The following DCDC2 variants were observed in gnomAD, a reference collection of about 807,000 sequenced individuals.
DCDC2 encodes the protein doublecortin domain-containing protein 2.
Under a neutral mutation model 50.2 loss-of-function variants are expected in DCDC2, and 40 were observed. That is an observed-to-expected ratio of 0.80 (90% CI 0.62 to 1.04). DCDC2 has a LOEUF of 1.04. DCDC2 is among the 50% of genes least tolerant of loss of function. The probability of loss-of-function intolerance (pLI) is 0.00; values close to 1 mark genes in which losing one functional copy is unlikely to be tolerated. For synonymous variants in DCDC2, 234 were observed against 210.6 expected (o/e 1.11, Z -0.96); for missense variants, 570 against 581.9 (o/e 0.98, Z 0.21).
At chr6:24,233,177 T>A (rs918162484) in intron 7 of DCDC2, among the ~76,000 whole-genome samples, 2 of 152,226 alleles carry the variant, frequency 1.3e-5, no homozygotes, top group African/African-American at 4.8e-5. Context: ...AGTTTAGGTA[T>A]ACTGTTAGGT....
At chr6:24,212,430 T>C (rs1337119646) in intron 7 of DCDC2, among the ~76,000 whole-genome samples, 1 of 152,118 alleles carries the variant, frequency 6.6e-6, no homozygotes, top group Non-Finnish European at 1.5e-5. Flanking sequence ...TTGTTTTCTT[T>C]CCCTAACTGT....
chr6:24,229,495 A>G, intron 7 of DCDC2, among the ~76,000 whole-genome samples: 1 of 152,134 alleles, frequency 6.6e-6, no homozygotes, highest in African/African-American at 2.4e-5. Flanking sequence ...TGTAACATTT[A>G]TCCACAGATC....
chr6:24,355,440 A>G (rs1371525137), intron 1 of DCDC2, among the ~76,000 whole-genome samples: 2 of 152,198 alleles, frequency 1.3e-5, no homozygotes, highest in African/African-American at 4.8e-5. Context: ...TATGTAACAA[A>G]AGGAACTGGT....
intron 2 of DCDC2, among the ~76,000 whole-genome samples, chr6:24,339,477 A>T (rs1331360441): frequency 6.6e-6 from 1 of 152,114 alleles, no homozygotes; most frequent in African/African-American, 2.4e-5. Flanking sequence ...AGAATTTGTG[A>T]TGTTAATTTT....
rs758780110 is a variant in DCDC2, at chr6:24,325,164, G to T, written c.349-23120C>A. On this transcript the variant is annotated intron_variant, in intron 2 of 9. Coordinates refer to ENST00000378454, the MANE Select transcript of DCDC2 (RefSeq NM_016356.5). ...AGAGCCCCGTGGTCAAAACTAAAAC[G>T]TTCCATCTAGGAGTGAGAGAGCACG... Among the ~76,000 whole-genome samples, 3 of 130,890 alleles carry T rather than the reference G, an allele frequency of 2.3e-5. 1 individual carries two copies. The East Asian group carries it at 1.3e-3, about 58-fold the overall frequency. The allele number at this position is 130,890 out of a possible 152,430, so 85.9% of individuals were successfully genotyped here.
chr6:24,263,328 G>A (rs1042031774), intron 7 of DCDC2, among the ~76,000 whole-genome samples: 8 of 152,026 alleles, frequency 5.3e-5, no homozygotes, highest in Admixed American at 1.3e-4. Context: ...TTCAATGCTC[G>A]GACATCAACA....
chr6:24,186,286 T>C (rs1446044111), intron 8 of DCDC2, among the ~76,000 whole-genome samples: 4 of 152,258 alleles, frequency 2.6e-5, no homozygotes, highest in African/African-American at 9.6e-5. Flanking sequence ...TTAGGTAGCA[T>C]ATTGTGCTTC....
rs746094923 is a variant in DCDC2 at position 24,320,956 on chromosome 6, AT to A, written c.349-18913del. 1.4e-3 allele frequency among the ~76,000 whole-genome samples: 206 copies of A among 148,178 alleles called. 4 individuals carry two copies. Among genetic ancestry groups the A allele is most frequent in the East Asian group, 8.9e-3 (45 of 5,074 alleles). The stretch of plus-strand genomic sequence containing the variant: ...TGCTGGAAAGTAATTAAATAAAAAA[AT>A]TAAAAAAAAAAAAAAAACAGCAGGG... On this transcript the variant is annotated intron_variant, in intron 2 of 9. Coordinates refer to ENST00000378454, the MANE Select transcript of DCDC2 (RefSeq NM_016356.5).
intron 2 of DCDC2, among the ~76,000 whole-genome samples, chr6:24,306,724 C>T (rs1174878620): frequency 1.3e-5 from 2 of 152,132 alleles, no homozygotes; most frequent in African/African-American, 2.4e-5. Context: ...CTGTCTCTGA[C>T]ATCTTATTTA....
intron 2 of DCDC2, among the ~76,000 whole-genome samples, chr6:24,316,615 T>C (rs966609565): frequency 6.6e-6 from 1 of 152,204 alleles, no homozygotes; most frequent in Admixed American, 6.5e-5. Flanking sequence ...ACTACCTTAC[T>C]GATAACATTT....
the DCDC2 span, among the ~76,000 whole-genome samples, chr6:24,366,971 T>C: frequency 3.3e-5 from 5 of 152,102 alleles, no homozygotes; most frequent in African/African-American, 1.2e-4. Flanking sequence ...TAGCTAGGAT[T>C]ACAGGTGTGC....
chr6:24,172,506 T>C lies in DCDC2; in HGVS notation c.*2224A>G, dbSNP rs561096095. ...CTAAAACCTAAGTTTCATAATATAATGAATAAAAGGACAGGAAAAAAAGAA... is the reference window on the plus strand; with the variant it reads ...CTAAAACCTAAGTTTCATAATATAACGAATAAAAGGACAGGAAAAAAAGAA... On this transcript the variant is annotated 3_prime_UTR_variant, in exon 10 of 10. Transcript: ENST00000378454. 3.3e-5 allele frequency: 5 copies of C among 151,586 alleles called. No homozygotes were observed. In the South Asian group the frequency reaches 1.0e-3, roughly 32 times the overall value. The allele number at this position is 151,586 out of a possible 1,614,324, so 9.4% of individuals were successfully genotyped here. A position where few individuals can be genotyped will look rare whatever the true frequency, so the allele number is the denominator to read the frequency against.
intron 7 of DCDC2, among the ~76,000 whole-genome samples, chr6:24,261,857 T>C (rs752033984): frequency 6.6e-6 from 1 of 152,044 alleles, no homozygotes; most frequent in Non-Finnish European, 1.5e-5. Context: ...AAGTAGCCCA[T>C]TCAAAATTCC....
intron 1 of DCDC2, among the ~76,000 whole-genome samples, chr6:24,355,966 G>C (rs1434178931): frequency 6.6e-6 from 1 of 152,082 alleles, no homozygotes; most frequent in Non-Finnish European, 1.5e-5. Flanking sequence ...TTATGGTCAA[G>C]GCTTTTTTCT....
At chr6:24,259,090 C>T (rs1762955391) in intron 7 of DCDC2, among the ~76,000 whole-genome samples, 1 of 151,904 alleles carries the variant, frequency 6.6e-6, no homozygotes, top group Non-Finnish European at 1.5e-5. Context: ...GTGGGTCACA[C>T]TCAGATTTCT....
At chr6:24,359,156 T>C (rs1248030099), upstream of DCDC2, among the ~76,000 whole-genome samples, 1 of 78,564 alleles carries the variant, frequency 1.3e-5, no homozygotes, top group Non-Finnish European at 2.1e-5. Flanking sequence ...ATATTTTATA[T>C]ATTTTATATA....
At chr6:24,346,749 A>C (rs555908061) in intron 2 of DCDC2, among the ~76,000 whole-genome samples, 1 of 143,408 alleles carries the variant, frequency 7.0e-6, no homozygotes, top group African/African-American at 2.8e-5. Flanking sequence ...GCGAGACTCC[A>C]TCTCAAAAAA....
At chr6:24,226,312 C>G (rs1419086437) in intron 7 of DCDC2, among the ~76,000 whole-genome samples, 1 of 152,152 alleles carries the variant, frequency 6.6e-6, no homozygotes, top group African/African-American at 2.4e-5. Flanking sequence ...AAGGTGTGTA[C>G]AAAGTGCTAA....
In DCDC2 at chr6:24,181,256, T is replaced by C. The variant is rs189482627; in HGVS notation, c.1024-2624A>G. On this transcript the variant is annotated intron_variant, in intron 8 of 9. Transcript: ENST00000378454. Reference sequence around the variant, plus strand: ...AAAGATTTATGAACATAACTCACAATGCTTGGTAAGAAGTTTCTGGTGTTT... The same window carrying C: ...AAAGATTTATGAACATAACTCACAACGCTTGGTAAGAAGTTTCTGGTGTTT... Among the ~76,000 whole-genome samples the C allele has an allele frequency of 2.1e-3, 320 of 152,310 alleles. 2 individuals carry two copies. The highest frequency in any genetic ancestry group is 7.2e-3 in the African/African-American group (299 of 41,574).
Sources: gnomAD v4.1 joint callset for allele counts (sites outside exome capture counted in the v4.1 genomes callset) on GRCh38, gnomAD v4.1.1 for gene constraint, MANE v1.5 for transcripts, NCBI Gene and HGNC (gene_info 2026-07-23, HGNC 2026-07-21) for gene names.